FABP12: variants seen among roughly 807,000 people sequenced by gnomAD.
The protein encoded by FABP12 is fatty acid binding protein 12.
A neutral mutation model predicts 13.7 loss-of-function variants in FABP12; 19 were observed. The observed-to-expected ratio is 1.39, with a 90% CI of 0.97 to 2.04. The LOEUF (loss-of-function observed/expected upper bound fraction) is 2.04, where lower values mean the gene tolerates loss of function less well. Among genes scored for constraint, FABP12 ranks in the 30% most tolerant of loss-of-function variants. The probability of loss-of-function intolerance (pLI) is 0.00; values close to 1 mark genes in which losing one functional copy is unlikely to be tolerated. For missense variants in FABP12, 182 were observed against 164.2 expected (o/e 1.11, Z -0.59); for synonymous variants, 61 against 57.0 (o/e 1.07, Z -0.32).
intron 1 of FABP12, among the ~76,000 whole-genome samples, chr8:81,578,092 T>G (rs1401768784): frequency 2.0e-5 from 3 of 152,214 alleles, no homozygotes; most frequent in African/African-American, 7.2e-5. Flanking sequence ...AGTGAACTTT[T>G]TAACCACAGG....
At chr8:81,586,293 G>A (rs1810236818) in intron 1 of FABP12, among the ~76,000 whole-genome samples, 1 of 152,130 alleles carries the variant, frequency 6.6e-6, no homozygotes. Context: ...CAAGAGTGCT[G>A]TGATGAACAT....
chr8:81,587,036 T>C (rs1008985863), intron 1 of FABP12, among the ~76,000 whole-genome samples: 12 of 152,210 alleles, frequency 7.9e-5, no homozygotes, highest in Admixed American at 4.6e-4. Context: ...CCAGCACCAT[T>C]TGTTGAACAG....
intron 1 of FABP12, among the ~76,000 whole-genome samples, chr8:81,558,887 C>CAAAA (rs35682824): frequency 2.6e-3 from 173 of 67,004 alleles, no homozygotes; most frequent in South Asian, 3.2e-3. Context: ...AAGGCTCCAT[C>CAAAA]AAAAAAAAAA....
chr8:81,558,909 AAAG>A (rs1466527831), intron 1 of FABP12, among the ~76,000 whole-genome samples: 111 of 150,622 alleles, frequency 7.4e-4, no homozygotes, highest in African/African-American at 2.7e-3. Context: ...AAAAAAAAAA[AAAG>A]AAGTTGGATG....
chr8:81,551,440 A>G (rs753953390), intron 1 of FABP12, among the ~76,000 whole-genome samples: 29 of 152,272 alleles, frequency 1.9e-4, no homozygotes, highest in Non-Finnish European at 3.7e-4. Flanking sequence ...GTTAAGAAGC[A>G]TTCTGTGCTA....
chr8:81,532,648 C>T (rs1809104106), intron 1 of FABP12, among the ~76,000 whole-genome samples: 1 of 152,182 alleles, frequency 6.6e-6, no homozygotes, highest in Non-Finnish European at 1.5e-5. Context: ...TGGTGAAACC[C>T]TGTCTCTACT....
Position 81,540,908 on chromosome 8 carries a change from C to G in FABP12, c.-184-1165G>C, listed in dbSNP as rs532529067. On this transcript the variant is annotated intron_variant, in intron 1 of 5. Coordinates refer to the FABP12 transcript ENST00000692030. ...CAAGGCCAGGCACGGTGGCTCACAC[C>G]TGTAATCCCAGCACTTTGGGAGGCC... Among the ~76,000 whole-genome samples, 24 of 152,242 alleles carry G rather than the reference C, an allele frequency of 1.6e-4. No individual in the cohort carries two copies. The East Asian group carries it at 4.4e-3, about 28-fold the overall frequency.
chr8:81,537,550 C>A (rs2129976489), upstream of FABP12, among the ~76,000 whole-genome samples: 1 of 152,210 alleles, frequency 6.6e-6, no homozygotes, highest in Non-Finnish European at 1.5e-5. Context: ...GGAGAAAGTT[C>A]ACTAGAAAAA....
rs1322438971 is a variant in FABP12 at position 81,553,401 on chromosome 8, A to G, written c.-184-13658T>C. On this transcript the variant is annotated intron_variant, in intron 1 of 5. Coordinates refer to the FABP12 transcript ENST00000692030. ...AAGATTTTGGACACAGTGCTATTGT[A>G]TCAATTTATACTATATTTTCACAGT... 2.0e-5 allele frequency among the ~76,000 whole-genome samples: 3 copies of G among 152,206 alleles called. No individual in the cohort carries two copies. The East Asian group carries it at 5.8e-4, about 29-fold the overall frequency.
At chr8:81,553,659 C>T (rs967454359) in intron 1 of FABP12, among the ~76,000 whole-genome samples, 2 of 152,266 alleles carry the variant, frequency 1.3e-5, no homozygotes, top group East Asian at 1.9e-4. Context: ...GTTTCTAGCT[C>T]GCAGTTCAGG....
intron 1 of FABP12, among the ~76,000 whole-genome samples, chr8:81,575,137 T>A (rs527792692): frequency 6.6e-5 from 10 of 152,272 alleles, no homozygotes; most frequent in African/African-American, 2.2e-4. Flanking sequence ...ATCCCAGAGG[T>A]TTTGATAGGT....
chr8:81,586,697 T>G (rs1392121112), intron 1 of FABP12, among the ~76,000 whole-genome samples: 1 of 152,040 alleles, frequency 6.6e-6, no homozygotes, highest in Admixed American at 6.6e-5. Context: ...GGCTGTTTGG[T>G]TTTTGGTTGT....
Position 81,564,712 on chromosome 8 carries a change from A to G in FABP12, c.-184-24969T>C, listed in dbSNP as rs187930123. Among the ~76,000 whole-genome samples the G allele has an allele frequency of 1.8e-4, 28 of 152,226 alleles. No homozygotes were observed. The East Asian group carries it at 5.2e-3, about 28-fold the overall frequency. Reference sequence around the variant, plus strand: ...AACAGATGCACAAAAATTAAAAAGCAATTAAAAGATACAACCATAGAAAAT... The same window carrying G: ...AACAGATGCACAAAAATTAAAAAGCGATTAAAAGATACAACCATAGAAAAT... On this transcript the variant is annotated intron_variant, in intron 1 of 5. Transcript: ENST00000692030.
chr8:81,559,485 T>G (rs1809680921), intron 1 of FABP12, among the ~76,000 whole-genome samples: 1 of 152,138 alleles, frequency 6.6e-6, no homozygotes, highest in Non-Finnish European at 1.5e-5. Context: ...TAGGCCAGGG[T>G]GATCGGGGGC....
At chr8:81,542,301 C>A (rs538222300) in intron 1 of FABP12, among the ~76,000 whole-genome samples, 1 of 152,134 alleles carries the variant, frequency 6.6e-6, no homozygotes, top group Non-Finnish European at 1.5e-5. Flanking sequence ...CTGACCCAGT[C>A]TGTCATAAGG....
chr8:81,535,100 A>T (rs1339629390), upstream of FABP12, among the ~76,000 whole-genome samples: 1 of 152,252 alleles, frequency 6.6e-6, no homozygotes, highest in Non-Finnish European at 1.5e-5. Flanking sequence ...AAGATAACAC[A>T]TCAAGCACAG....
At chr8:81,534,512 T>C (rs1340091769), upstream of FABP12, among the ~76,000 whole-genome samples, 1 of 152,180 alleles carries the variant, frequency 6.6e-6, no homozygotes, top group Non-Finnish European at 1.5e-5. Flanking sequence ...TCATATTCTG[T>C]GTTGAATGTG....
At chr8:81,538,047 A>G (rs969683116), upstream of FABP12, among the ~76,000 whole-genome samples, 7 of 152,310 alleles carry the variant, frequency 4.6e-5, no homozygotes, top group Admixed American at 3.9e-4. Context: ...GAAGCTTACA[A>G]TCATGGCAGA....
At chr8:81,542,471 T>C (rs1183219801) in intron 1 of FABP12, among the ~76,000 whole-genome samples, 2 of 152,090 alleles carry the variant, frequency 1.3e-5, no homozygotes, top group Non-Finnish European at 2.9e-5. Context: ...TTGGAGGTAA[T>C]TGAGGCAACC....
Sources: allele counts gnomAD v4.1 joint callset (sites outside exome capture counted in the v4.1 genomes callset), GRCh38; gene constraint gnomAD v4.1.1; transcripts MANE v1.5; gene names NCBI Gene and HGNC (gene_info 2026-07-23, HGNC 2026-07-21).